TSPAN2: variants seen among roughly 807,000 people sequenced by gnomAD.
The protein encoded by TSPAN2 is tetraspanin 2, also known as tetraspanin-2.
A neutral mutation model predicts 33.3 loss-of-function variants in TSPAN2; 24 were observed. The ratio of observed to expected loss-of-function variants is 0.72; its 90% CI spans 0.52 to 1.01. The LOEUF (loss-of-function observed/expected upper bound fraction) is 1.01, where lower values mean the gene tolerates loss of function less well. Among genes scored for constraint, TSPAN2 ranks in the 50% least tolerant of loss-of-function variants. The probability of loss-of-function intolerance (pLI) is 0.00; values close to 1 mark genes in which losing one functional copy is unlikely to be tolerated. For synonymous variants in TSPAN2, 114 were observed against 104.5 expected (o/e 1.09, Z -0.56); for missense variants, 278 against 281.3 (o/e 0.99, Z 0.08).
intron 2 of TSPAN2, among the ~76,000 whole-genome samples, chr1:115,072,200 C>G (rs1286361): frequency 0.33 from 50,613 of 151,872 alleles, 9,089 homozygotes; most frequent in African/African-American, 0.43. Flanking sequence ...CACTGCCTTG[C>G]GGGTGGAGGC....
Position 115,062,307 on chromosome 1 carries a change from G to C in TSPAN2, c.173-75C>G. On this transcript the variant is annotated intron_variant, in intron 2 of 7. Transcript: ENST00000369516. ...CACGACCAACTAGGCTTAAGACTCT[G>C]GGCACTGCAGAGCATTCTAATAGTA... The C allele has an allele frequency of 2.7e-6, 3 of 1,120,190 alleles. No individual in the cohort carries two copies. The South Asian group carries it at 4.0e-5, about 15-fold the overall frequency. The allele number at this position is 1,120,190 out of a possible 1,614,324, so 69.4% of individuals were successfully genotyped here.
chr1:115,058,466 G>A (rs1647523290), intron 5 of TSPAN2: 1 of 239,788 alleles, frequency 4.2e-6, no homozygotes, highest in Non-Finnish European at 8.1e-6. Context: ...GGGAGGCCAA[G>A]TAACTTGCTC....
chr1:115,066,642 C>CTAGCAGCAGATGGTTTTACA (rs1294752286), intron 2 of TSPAN2, among the ~76,000 whole-genome samples: 4 of 152,152 alleles, frequency 2.6e-5, no homozygotes, highest in African/African-American at 9.7e-5. Context: ...TAATGGCTTT[C>CTAGCAGCAGATGGTTTTACA]TAGCAGCAGA....
At chr1:115,066,220 T>C (rs906860450) in intron 2 of TSPAN2, among the ~76,000 whole-genome samples, 35 of 152,322 alleles carry the variant, frequency 2.3e-4, no homozygotes, top group Middle Eastern at 3.4e-3. Flanking sequence ...GGAGTGCAGA[T>C]GTCTCTTTGA....
chr1:115,057,420 C>A (rs147450061), intron 6 of TSPAN2, 117 bp downstream of exon 6: 2 of 962,210 alleles, frequency 2.1e-6, no homozygotes, highest in East Asian at 2.4e-5. Context: ...ATCCTCTATG[C>A]TGCCACTAGA....
intron 2 of TSPAN2, among the ~76,000 whole-genome samples, chr1:115,063,243 C>G (rs1647804860): frequency 6.6e-6 from 1 of 152,066 alleles, no homozygotes; most frequent in African/African-American, 2.4e-5. Context: ...GCAAATAACT[C>G]CATTAAAAAG....
At chr1:115,073,229 T>A (rs965616754) in intron 1 of TSPAN2, among the ~76,000 whole-genome samples, 2 of 152,140 alleles carry the variant, frequency 1.3e-5, no homozygotes, top group African/African-American at 4.8e-5. Context: ...TTTTTCTGAT[T>A]CTGAAAGCAG....
At position 115,082,804 on chromosome 1, in the gene TSPAN2, A is replaced by T. The variant is rs1253390100; in HGVS notation, c.69+6560T>A. On this transcript the variant is annotated intron_variant, in intron 1 of 7. Transcript: ENST00000369516. ...ATTTTCCAAGTTAGCAGCATTTCTT[A>T]TACCTTATATTCTACACGTTCCAAT... Among the ~76,000 whole-genome samples, 3 of 152,214 alleles carry T rather than the reference A, an allele frequency of 2.0e-5. No homozygotes were observed. The East Asian group carries it at 5.8e-4, about 29-fold the overall frequency.
chr1:115,083,990 C>T (rs1188475260), intron 1 of TSPAN2, among the ~76,000 whole-genome samples: 1 of 152,198 alleles, frequency 6.6e-6, no homozygotes, highest in African/African-American at 2.4e-5. Flanking sequence ...ATTCCCAGCA[C>T]TTGGCAGGGA....
chr1:115,071,068 T>C (rs138704139), intron 2 of TSPAN2, among the ~76,000 whole-genome samples: 1 of 152,290 alleles, frequency 6.6e-6, no homozygotes, highest in African/African-American at 2.4e-5. Flanking sequence ...CTACGGCAGA[T>C]TCCTCTGCTT....
At chr1:115,069,719 G>A (rs1000378698) in intron 2 of TSPAN2, among the ~76,000 whole-genome samples, 12 of 152,180 alleles carry the variant, frequency 7.9e-5, no homozygotes, top group Admixed American at 1.3e-4. Flanking sequence ...TTTGCAATAC[G>A]AAGAGTCCTG....
At chr1:115,067,629 G>A (rs1480294493) in intron 2 of TSPAN2, among the ~76,000 whole-genome samples, 1 of 152,174 alleles carries the variant, frequency 6.6e-6, no homozygotes, top group Non-Finnish European at 1.5e-5. Context: ...GCACTGGAAT[G>A]CTTTCCTTAT....
intron 1 of TSPAN2, among the ~76,000 whole-genome samples, chr1:115,087,008 C>G (rs1648860889): frequency 6.6e-6 from 1 of 152,092 alleles, no homozygotes; most frequent in Non-Finnish European, 1.5e-5. Flanking sequence ...CAACCTCTGC[C>G]TCCCGGGTTC....
intron 1 of TSPAN2, among the ~76,000 whole-genome samples, chr1:115,076,024 T>C (rs867253550): frequency 7.1e-6 from 1 of 139,948 alleles, no homozygotes. Context: ...ATGTGGTAGA[T>C]AGTCACATAA....
In TSPAN2 at chr1:115,057,620, GA is replaced by G. The variant is rs766966300; in HGVS notation, c.445-13del. 6 of 1,613,906 alleles carry G rather than the reference GA, an allele frequency of 3.7e-6. No homozygotes were observed. Among genetic ancestry groups the G allele is most frequent in the Admixed American group, 1.7e-5 (1 of 60,024 alleles). On this transcript the variant is annotated splice_polypyrimidine_tract_variant and intron_variant, in intron 5 of 7. Coordinates refer to ENST00000369516, the MANE Select transcript of TSPAN2 (RefSeq NM_005725.6). ...CCACAGCACTGAAACTAGAGAGTCA[GA>G]AAAGAGACTTCAGGACCAGGCGGGA...
Position 115,062,177 on chromosome 1 carries a change from C to G in TSPAN2, c.228G>C (p.Gly76=). The part of the protein sequence containing the change: ...GALMMAVGFF[G]CCGAMRESQC... ...GCGACTCCCGCATGGCTCCGCAGCA[C>G]CCGAAGAACCCCACGGCCATCATCA... is the stretch of plus-strand genomic sequence containing the variant. The change falls in exon 3 of 8, where the codon GGG becomes GGC. Residue 76 remains glycine (G), a synonymous_variant. Transcript: ENST00000369516. The G allele has an allele frequency of 6.2e-7, 1 of 1,600,152 alleles. No individual in the cohort carries two copies. Among genetic ancestry groups the G allele is most frequent in the South Asian group, 1.1e-5 (1 of 88,996 alleles).
intron 1 of TSPAN2, among the ~76,000 whole-genome samples, chr1:115,085,114 C>T (rs1221049514): frequency 1.3e-5 from 2 of 151,586 alleles, no homozygotes; most frequent in African/African-American, 4.9e-5. Flanking sequence ...TATTGCTATG[C>T]AACGTAGGAA....
At chr1:115,080,538 G>T (rs978853846) in intron 1 of TSPAN2, among the ~76,000 whole-genome samples, 2 of 152,144 alleles carry the variant, frequency 1.3e-5, no homozygotes, top group Non-Finnish European at 2.9e-5. Context: ...GCCTCCCAAA[G>T]TGCTGGGATT....
intron 1 of TSPAN2, among the ~76,000 whole-genome samples, chr1:115,075,046 C>T (rs1648348751): frequency 6.6e-6 from 1 of 152,196 alleles, no homozygotes; most frequent in Admixed American, 6.5e-5. Flanking sequence ...ACCGAGCAGA[C>T]TGTGGAGGAG....
Sources: allele counts gnomAD v4.1 joint callset (sites outside exome capture counted in the v4.1 genomes callset), GRCh38; gene constraint gnomAD v4.1.1; transcripts MANE v1.5; gene names NCBI Gene and HGNC (gene_info 2026-07-23, HGNC 2026-07-21).